The following ANK3 variants were observed in gnomAD, a reference collection of about 807,000 sequenced individuals.
The protein encoded by ANK3 is ankyrin 3.
A neutral mutation model predicts 370.9 loss-of-function variants in ANK3; 57 were observed. The ratio of observed to expected loss-of-function variants is 0.15; its 90% confidence interval spans 0.12 to 0.19. The LOEUF is 0.19. Ranked by LOEUF, ANK3 falls within the 10% of genes least tolerant of loss-of-function variation. The probability of loss-of-function intolerance (pLI) is 1.00; values close to 1 mark genes in which losing one functional copy is unlikely to be tolerated. For missense variants in ANK3, 4,439 were observed against 5,302.1 expected (o/e 0.84, Z 5.06); for synonymous variants, 1,929 against 1,946.3 (o/e 0.99, Z 0.23).
intron 1 of ANK3, among the ~76,000 whole-genome samples, chr10:60,697,542 G>A (rs1205023135): frequency 6.7e-6 from 1 of 148,344 alleles, no homozygotes; most frequent in Non-Finnish European, 1.5e-5. Context: ...CATGGTACTG[G>A]TACCAAAACA....
intron 1 of ANK3, among the ~76,000 whole-genome samples, chr10:60,367,236 C>T (rs192803661): frequency 6.6e-6 from 1 of 152,192 alleles, no homozygotes; most frequent in East Asian, 1.9e-4. Flanking sequence ...GGGAGCTTGG[C>T]GTGACATCTG....
chr10:60,353,385 T>TTTTCA (rs1357609265), intron 1 of ANK3, among the ~76,000 whole-genome samples: 2 of 152,144 alleles, frequency 1.3e-5, no homozygotes, highest in African/African-American at 4.8e-5. Flanking sequence ...ATAGAATATC[T>TTTTCA]TTTCATTACT....
intron 1 of ANK3, among the ~76,000 whole-genome samples, chr10:60,638,097 G>T (rs2078579779): frequency 6.6e-6 from 1 of 152,288 alleles, no homozygotes; most frequent in East Asian, 1.9e-4. Flanking sequence ...TGCACTGAAG[G>T]TTCCAAAGAT....
intron 2 of ANK3, among the ~76,000 whole-genome samples, chr10:60,403,564 A>T (rs2132909327): frequency 6.6e-6 from 1 of 152,306 alleles, no homozygotes; most frequent in African/African-American, 2.4e-5. Context: ...TGACAAAAGT[A>T]TTGGCCCTTT....
intron 42 of ANK3, among the ~76,000 whole-genome samples, chr10:60,054,533 A>G (rs138750337): frequency 1.3e-5 from 2 of 152,192 alleles, no homozygotes; most frequent in Non-Finnish European, 2.9e-5. Context: ...AAAAAAATAG[A>G]TGATCTAGAA....
chr10:60,579,916 C>T (rs2077728461), intron 2 of ANK3, among the ~76,000 whole-genome samples: 1 of 152,112 alleles, frequency 6.6e-6, no homozygotes, highest in Admixed American at 6.6e-5. Flanking sequence ...CTATAAGAAT[C>T]AGCAGTGAAA....
intron 1 of ANK3, among the ~76,000 whole-genome samples, chr10:60,376,107 T>G (rs2060737712): frequency 6.6e-6 from 1 of 152,036 alleles, no homozygotes; most frequent in South Asian, 2.1e-4. Context: ...GTAGTAATTG[T>G]GTCAAGATTC....
Position 60,152,541 on chromosome 10 carries a change from C to T in ANK3, c.2615-13454G>A, listed in dbSNP as rs187184746. ...AAGGGGTTAGCCAGGGACCATATCA[C>T]ACAGGACTTACTAATCATGGCAAAC... On this transcript the variant is annotated intron_variant, in intron 23 of 43. Transcript: ENST00000280772. Among the ~76,000 whole-genome samples, 173 of 152,212 alleles carry T rather than the reference C, an allele frequency of 1.1e-3. 2 individuals carry two copies. Among genetic ancestry groups the T allele is most frequent in the African/African-American group, 3.8e-3 (157 of 41,526 alleles).
intron 13 of ANK3, among the ~76,000 whole-genome samples, chr10:60,199,295 T>C (rs1565627121): frequency 6.6e-6 from 1 of 151,958 alleles, no homozygotes; most frequent in Non-Finnish European, 1.5e-5. Flanking sequence ...GTAGGAAAGG[T>C]AGAGAAACGA....
In ANK3 at chr10:60,076,192, G is replaced by A; in HGVS notation, c.4689C>T (p.Ser1563=). ...LGASTTSSVK[S]ISDVASPIRS... ...TAATTGGAGATGCCACGTCACTAATGGATTTAACTGAAGATGTAGTTGACG... is the reference window on the plus strand; with the variant it reads ...TAATTGGAGATGCCACGTCACTAATAGATTTAACTGAAGATGTAGTTGACG... Residue 1563 remains serine (S), a synonymous_variant, in exon 37 of 44, where the codon TCC becomes TCT. Transcript: ENST00000280772. 1.2e-6 allele frequency: 2 copies of A among 1,614,140 alleles called. No individual in the cohort carries two copies. Among genetic ancestry groups the A allele is most frequent in the Non-Finnish European group, 1.7e-6 (2 of 1,179,966 alleles).
chr10:60,556,904 C>A (rs904080420), intron 2 of ANK3, among the ~76,000 whole-genome samples: 1 of 152,172 alleles, frequency 6.6e-6, no homozygotes, highest in Admixed American at 6.5e-5. Flanking sequence ...GGATCAGCTG[C>A]GGCATTAGAT....
intron 16 of ANK3, among the ~76,000 whole-genome samples, chr10:60,190,379 G>T (rs1177245133): frequency 6.7e-6 from 1 of 149,980 alleles, no homozygotes; most frequent in African/African-American, 2.4e-5. Flanking sequence ...AAAGAAGGCA[G>T]ATTGCCTACT....
At chr10:60,334,946 TA>T in intron 1 of ANK3, among the ~76,000 whole-genome samples, 1 of 152,122 alleles carries the variant, frequency 6.6e-6, no homozygotes, top group Non-Finnish European at 1.5e-5. Flanking sequence ...CATCAGGTTT[TA>T]AGAGGTTTGA....
chr10:60,069,409 C>T lies in ANK3; in HGVS notation c.11472G>A (p.Val3824=), dbSNP rs2082275261. The change falls in exon 37 of 44, where the codon GTG becomes GTA. Residue 3824 remains valine (V), a synonymous_variant. Coordinates refer to ENST00000280772, the MANE Select transcript of ANK3 (RefSeq NM_020987.5). ...CTGTCTTTTTTCCTGATGAGACTTT[C>T]ACTGGGTTATCTTTCTCTGTGGTAC... ...PTCTTEKDNP[V]KVSSGKKTGV... 6.2e-7 allele frequency: 1 copy of T among 1,613,848 alleles called. No individual in the cohort carries two copies.
In ANK3 at chr10:60,075,112, C is replaced by A; in HGVS notation, c.5769G>T (p.Val1923=). 1 of 1,614,114 alleles carries A rather than the reference C, an allele frequency of 6.2e-7. No homozygotes were observed. Among genetic ancestry groups the A allele is most frequent in the Non-Finnish European group, 8.5e-7 (1 of 1,180,010 alleles). The change falls in exon 37 of 44, where the codon GTG becomes GTT. Residue 1923 remains valine (V), a synonymous_variant. Coordinates refer to ENST00000280772, the MANE Select transcript of ANK3 (RefSeq NM_020987.5). Reference sequence around the variant, plus strand: ...CAGGTTGGAATGGCTTCTCCTCAGGCACATCTGTCTGTAGTATTGCGGTCA... The same window carrying A: ...CAGGTTGGAATGGCTTCTCCTCAGGAACATCTGTCTGTAGTATTGCGGTCA... ...MRMTAILQTD[V]PEEKPFQPEL...
intron 25 of ANK3, among the ~76,000 whole-genome samples, chr10:60,124,032 A>T (rs2093632470): frequency 6.6e-6 from 1 of 152,238 alleles, no homozygotes; most frequent in Non-Finnish European, 1.5e-5. Flanking sequence ...TGACAGGTAG[A>T]AAATATTAAT....
chr10:60,660,894 C>A (rs1009654354), intron 1 of ANK3, among the ~76,000 whole-genome samples: 4 of 148,918 alleles, frequency 2.7e-5, no homozygotes, highest in African/African-American at 7.6e-5. Flanking sequence ...AAGGAGCAAA[C>A]CTCTCAGAGT....
intron 1 of ANK3, among the ~76,000 whole-genome samples, chr10:60,663,906 TTAAG>T (rs60152883): frequency 0.011 from 1,693 of 152,280 alleles, 25 homozygotes; most frequent in African/African-American, 0.038. Context: ...CCTAATATTT[TTAAG>T]TAAGAAATGA....
intron 28 of ANK3, among the ~76,000 whole-genome samples, chr10:60,103,582 G>C (rs536312400): frequency 6.6e-6 from 1 of 152,046 alleles, no homozygotes; most frequent in Non-Finnish European, 1.5e-5. Context: ...AGAAGGGTTC[G>C]AGTTTGGCAT....
Sources: gnomAD v4.1 joint callset for allele counts (sites outside exome capture counted in the v4.1 genomes callset) on GRCh38, gnomAD v4.1.1 for gene constraint, MANE v1.5 for transcripts, NCBI Gene and HGNC (gene_info 2026-07-23, HGNC 2026-07-21) for gene names.